Variants in SRPX observed in about 807,000 individuals in gnomAD.
The protein encoded by SRPX is sushi repeat-containing protein SRPX.
Under a neutral mutation model 38.1 loss-of-function variants are expected in SRPX, and 24 were observed. The ratio of observed to expected loss-of-function variants is 0.63; its 90% CI spans 0.46 to 0.89. The LOEUF (loss-of-function observed/expected upper bound fraction) is 0.89, where lower values mean the gene tolerates loss of function less well. Among genes scored for constraint, SRPX ranks in the 40% least tolerant of loss-of-function variants. The pLI, the probability that SRPX is intolerant of heterozygous loss-of-function variation, is 0.00. For synonymous variants in SRPX, 184 were observed against 153.8 expected (o/e 1.20, Z -1.45); for missense variants, 416 against 377.8 (o/e 1.10, Z -0.84).
intron 8 of SRPX, among the ~76,000 whole-genome samples, chrX:38,156,019 G>A (rs1344078888): frequency 1.8e-5 from 2 of 112,240 alleles, no homozygotes; most frequent in Non-Finnish European, 3.8e-5. Context: ...GATATGAGAA[G>A]TAAATTGTAG....
intron 5 of SRPX, among the ~76,000 whole-genome samples, chrX:38,162,593 C>T (rs767743082): frequency 2.7e-4 from 30 of 112,444 alleles, no homozygotes; most frequent in African/African-American, 8.7e-4. Flanking sequence ...GCAGGCAGAT[C>T]ACCTGAGGTC....
At chrX:38,164,204 G>A (rs764532222) in intron 5 of SRPX, among the ~76,000 whole-genome samples, 75 of 110,225 alleles carry the variant, frequency 6.8e-4, no homozygotes, top group African/African-American at 2.3e-3. Context: ...GCACGGTGGT[G>A]CAATCTTGGC....
rs1029925132 is a variant in SRPX at position 38,164,714 on chromosome X, G to A, written c.653+55C>T. On this transcript the variant is annotated intron_variant, in intron 5 of 9. Coordinates refer to ENST00000378533, the MANE Select transcript of SRPX (RefSeq NM_006307.5). ...TATATACACTCCCCTACTCTGGGTAGTAAACATCTCACATAAAAGAGACAG... is the reference window on the plus strand; with the variant it reads ...TATATACACTCCCCTACTCTGGGTAATAAACATCTCACATAAAAGAGACAG... 15 of 1,185,477 alleles carry A rather than the reference G, an allele frequency of 1.3e-5. No homozygotes were observed. In the African/African-American group the frequency reaches 1.9e-4, roughly 15 times the overall value.
At chrX:38,198,182 AAG>A (rs1250066068) in intron 1 of SRPX, among the ~76,000 whole-genome samples, 1 of 112,114 alleles carries the variant, frequency 8.9e-6, no homozygotes, top group Non-Finnish European at 1.9e-5. Context: ...CTCTAAAGGT[AAG>A]AGAGAGAAAT....
At chrX:38,150,832 A>G (rs1394931310) in intron 9 of SRPX, among the ~76,000 whole-genome samples, 1 of 112,446 alleles carries the variant, frequency 8.9e-6, no homozygotes, top group Non-Finnish European at 1.9e-5. Context: ...TTAAACTAAA[A>G]AATATGATTT....
At chrX:38,192,829 A>G (rs1324180570) in intron 1 of SRPX, among the ~76,000 whole-genome samples, 1 of 112,152 alleles carries the variant, frequency 8.9e-6, no homozygotes, top group Non-Finnish European at 1.9e-5. Flanking sequence ...TGCAGCGATG[A>G]GGGCAGTTCT....
At position 38,178,397 on chromosome X, in the gene SRPX, G is replaced by A. The variant is rs1349078980; in HGVS notation, c.98-53C>T. Reference sequence around the variant, plus strand: ...GCAAGAAAAGCCACATAGTATGGACGCATATTTCAAAGCATTCCTTTGCCA... The same window carrying A: ...GCAAGAAAAGCCACATAGTATGGACACATATTTCAAAGCATTCCTTTGCCA... On this transcript the variant is annotated intron_variant, in intron 1 of 9. Transcript: ENST00000378533. 3.8e-6 allele frequency: 4 copies of A among 1,056,173 alleles called. No homozygotes were observed. The African/African-American group carries it at 7.4e-5, about 20-fold the overall frequency. The allele number at this position is 1,056,173 out of a possible 1,213,427, so 87.0% of individuals were successfully genotyped here. A position where few individuals can be genotyped will look rare whatever the true frequency, so the allele number is the denominator to read the frequency against.
intron 1 of SRPX, among the ~76,000 whole-genome samples, chrX:38,180,480 G>A (rs1938647968): frequency 8.9e-6 from 1 of 111,847 alleles, no homozygotes; most frequent in African/African-American, 3.3e-5. Flanking sequence ...CCCATGTACT[G>A]ATGATAAATC....
rs10570334 is a variant in SRPX, at chrX:38,191,541, G to GACACAC, written c.98-13203_98-13198dup. On this transcript the variant is annotated intron_variant, in intron 1 of 9. Transcript: ENST00000378533. ...GACACTTTTGTTTCAATTATACACAGACACACACACACACACACACACACA... is the reference window on the plus strand; with the variant it reads ...GACACTTTTGTTTCAATTATACACAGACACACACACACACACACACACACACACACA... Among the ~76,000 whole-genome samples the GACACAC allele has an allele frequency of 7.6e-5, 8 of 105,289 alleles. No individual in the cohort carries two copies. In the South Asian group the frequency reaches 3.5e-3, roughly 46 times the overall value. The allele number at this position is 105,289 out of a possible 115,157, so 91.4% of individuals were successfully genotyped here. A position where few individuals can be genotyped will look rare whatever the true frequency, so the allele number is the denominator to read the frequency against.
chrX:38,213,805 C>T lies in SRPX; in HGVS notation c.97+6891G>A, dbSNP rs775858781. On this transcript the variant is annotated intron_variant, in intron 1 of 9. Transcript: ENST00000378533. ...GGAGAAGCAGGCATGTCTTACATGG[C>T]CAGAGCAGGAGCGAGAGAGAGGAAG... 5.4e-5 allele frequency among the ~76,000 whole-genome samples: 6 copies of T among 111,526 alleles called. No homozygotes were observed. In the South Asian group the frequency reaches 2.3e-3, roughly 43 times the overall value.
chrX:38,176,003 T>C lies in SRPX; in HGVS notation c.158-1652A>G, dbSNP rs1938561707. On this transcript the variant is annotated intron_variant, in intron 2 of 9. Coordinates refer to ENST00000378533, the MANE Select transcript of SRPX (RefSeq NM_006307.5). The stretch of plus-strand genomic sequence containing the variant: ...AAGCCTTGGATAGTACCTAACGCTA[T>C]ATATACTGTTTGTTTCTTACACAAA... Among the ~76,000 whole-genome samples, 3 of 111,806 alleles carry C rather than the reference T, an allele frequency of 2.7e-5. No individual in the cohort carries two copies. The Admixed American group carries it at 2.9e-4, about 11-fold the overall frequency.
chrX:38,167,183 C>G (rs1938377413), intron 4 of SRPX, among the ~76,000 whole-genome samples: 1 of 110,717 alleles, frequency 9.0e-6, no homozygotes, highest in Non-Finnish European at 1.9e-5. Flanking sequence ...AGAAGCATTT[C>G]CTCTCTTTTG....
At chrX:38,155,471 C>A (rs1227826630) in intron 8 of SRPX, among the ~76,000 whole-genome samples, 1 of 112,181 alleles carries the variant, frequency 8.9e-6, no homozygotes, top group Admixed American at 9.4e-5. Context: ...ATGGGACAGA[C>A]TAGAGCAACG....
chrX:38,214,430 C>T (rs747403001), intron 1 of SRPX, among the ~76,000 whole-genome samples: 4 of 111,194 alleles, frequency 3.6e-5, no homozygotes, highest in African/African-American at 1.3e-4. Flanking sequence ...CCCCCCAGCA[C>T]ATGTCACTCC....
intron 3 of SRPX, 22 bp from the exon 4 acceptor site, chrX:38,172,079 A>T (rs748645111): frequency 1.7e-6 from 2 of 1,198,710 alleles, no homozygotes; most frequent in Middle Eastern, 2.3e-4. Context: ...AAAATCAGAT[A>T]TTCAGCATTT....
intron 1 of SRPX, among the ~76,000 whole-genome samples, chrX:38,180,784 C>T: frequency 8.9e-6 from 1 of 112,224 alleles, no homozygotes; most frequent in Middle Eastern, 4.6e-3. Context: ...ATGATCCATT[C>T]ATAACATAAT....
chrX:38,161,812 T>G (rs1272891137), intron 5 of SRPX, among the ~76,000 whole-genome samples: 2 of 111,988 alleles, frequency 1.8e-5, no homozygotes, highest in Non-Finnish European at 3.8e-5. Context: ...TCTTTTTTCT[T>G]GGCTGCCTAA....
chrX:38,186,637 C>T (rs1167093929), intron 1 of SRPX, among the ~76,000 whole-genome samples: 1 of 111,598 alleles, frequency 9.0e-6, no homozygotes, highest in African/African-American at 3.3e-5. Flanking sequence ...ATCCCCTTTA[C>T]TCAGGCTGGT....
chrX:38,202,058 GC>G (rs1357989944), intron 1 of SRPX, among the ~76,000 whole-genome samples: 1 of 111,785 alleles, frequency 8.9e-6, no homozygotes, highest in Non-Finnish European at 1.9e-5. Context: ...TCATGACCCA[GC>G]CCCCATATAA....
Sources: gnomAD v4.1 joint callset for allele counts (sites outside exome capture counted in the v4.1 genomes callset) on GRCh38, gnomAD v4.1.1 for gene constraint, MANE v1.5 for transcripts, NCBI Gene and HGNC (gene_info 2026-07-23, HGNC 2026-07-21) for gene names.